SOX6: variants seen among roughly 807,000 people sequenced by gnomAD.
The protein encoded by SOX6 is transcription factor SOX-6.
Under a neutral mutation model 97.8 loss-of-function variants are expected in SOX6, and 11 were observed. That is an observed-to-expected ratio of 0.11 (90% CI 0.07 to 0.19). The LOEUF (loss-of-function observed/expected upper bound fraction) is 0.19, where lower values mean the gene tolerates loss of function less well. Ranked by LOEUF, SOX6 falls within the 10% of genes least tolerant of loss-of-function variation. The pLI is 1.00. For missense variants in SOX6, 810 were observed against 1,039.5 expected, an observed-to-expected ratio of 0.78 and a Z score of 3.04; for synonymous variants, 360 against 371.4, an observed-to-expected ratio of 0.97 and a Z score of 0.35.
chr11:16,303,854 T>TA (rs1210130317), intron 3 of SOX6, among the ~76,000 whole-genome samples: 2 of 152,146 alleles, frequency 1.3e-5, no homozygotes, highest in African/African-American at 2.4e-5. Flanking sequence ...AGTGCATACC[T>TA]AAGCATATCA....
At chr11:16,095,646 T>G (rs1848777192) in intron 9 of SOX6, among the ~76,000 whole-genome samples, 2 of 151,868 alleles carry the variant, frequency 1.3e-5, no homozygotes, top group South Asian at 4.1e-4. Context: ...TCAAATAATT[T>G]TTTAATGTTT....
chr11:16,286,970 A>G (rs1441432794), intron 3 of SOX6, among the ~76,000 whole-genome samples: 3 of 152,032 alleles, frequency 2.0e-5, no homozygotes, highest in Admixed American at 1.3e-4. Context: ...TTTTTCCACC[A>G]TAAGGTTTTT....
At chr11:16,153,976 G>A (rs888541211) in intron 6 of SOX6, among the ~76,000 whole-genome samples, 1 of 152,098 alleles carries the variant, frequency 6.6e-6, no homozygotes, top group Non-Finnish European at 1.5e-5. Context: ...CAAAACCCAT[G>A]GCTTTGGGTA....
chr11:16,090,491 A>C (rs1443192191), intron 9 of SOX6, among the ~76,000 whole-genome samples: 1 of 152,066 alleles, frequency 6.6e-6, no homozygotes, highest in Non-Finnish European at 1.5e-5. Flanking sequence ...TATATTTGGC[A>C]TCCTTCCCTA....
At chr11:16,388,758 T>C (rs573437744) in intron 1 of SOX6, among the ~76,000 whole-genome samples, 2 of 152,304 alleles carry the variant, frequency 1.3e-5, no homozygotes, top group African/African-American at 4.8e-5. Context: ...GTTTCTTTTT[T>C]TCTTGGTCTT....
chr11:16,681,512 G>C (rs1449625970), intron 3 of SOX6, among the ~76,000 whole-genome samples: 4 of 152,152 alleles, frequency 2.6e-5, no homozygotes, highest in Non-Finnish European at 4.4e-5. Flanking sequence ...AAGCAGGAAA[G>C]ATCTAAAATT....
chr11:16,017,021 A>C (rs1408953050), intron 12 of SOX6, among the ~76,000 whole-genome samples: 1 of 152,094 alleles, frequency 6.6e-6, no homozygotes, highest in Non-Finnish European at 1.5e-5. Context: ...ATAAAATAAA[A>C]TAAAGTTCCT....
chr11:16,183,993 CT>C, intron 5 of SOX6, 39 bp from the exon 6 acceptor site: 2 of 1,550,240 alleles, frequency 1.3e-6, no homozygotes, highest in Non-Finnish European at 1.8e-6. Context: ...AAATGAAATG[CT>C]TACACCTCTG....
intron 4 of SOX6, among the ~76,000 whole-genome samples, chr11:16,498,239 T>C (rs1383141755): frequency 6.6e-6 from 1 of 150,542 alleles, no homozygotes; most frequent in Non-Finnish European, 1.5e-5. Flanking sequence ...TGAAGGAGAA[T>C]TTACAGAGAA....
chr11:16,514,859 C>T lies in SOX6; in HGVS notation n.610-38471G>A, dbSNP rs545153976. The stretch of plus-strand genomic sequence containing the variant: ...ATGATTTCCAATTTCATCCATGTCC[C>T]TACAAAGGACATGAACTCATCATTT... On this transcript the variant is annotated intron_variant and non_coding_transcript_variant, in intron 4 of 5. Transcript: ENST00000524520. 3.6e-4 allele frequency among the ~76,000 whole-genome samples: 54 copies of T among 151,870 alleles called. No homozygotes were observed. In the South Asian group the frequency reaches 0.011, roughly 30 times the overall value.
chr11:16,315,359 G>A (rs973671107), intron 3 of SOX6: 5 of 152,018 alleles, frequency 3.3e-5, no homozygotes, highest in Admixed American at 3.3e-4. Context: ...AAGAATCCTT[G>A]AGTTTTAATA....
intron 6 of SOX6, among the ~76,000 whole-genome samples, chr11:16,168,627 G>A (rs1850949615): frequency 6.6e-6 from 1 of 152,166 alleles, no homozygotes; most frequent in African/African-American, 2.4e-5. Flanking sequence ...GGGAGGAAAT[G>A]GCTTTTACTT....
At chr11:16,103,963 A>G (rs547222446) in intron 7 of SOX6, among the ~76,000 whole-genome samples, 1 of 152,004 alleles carries the variant, frequency 6.6e-6, no homozygotes. Flanking sequence ...CTCAGAAATC[A>G]CCACTATTGA....
intron 1 of SOX6, among the ~76,000 whole-genome samples, chr11:16,438,612 T>C (rs969092682): frequency 2.0e-4 from 30 of 152,048 alleles, no homozygotes; most frequent in African/African-American, 7.2e-4. Flanking sequence ...ATAAATAGTG[T>C]ATCAGGCTCT....
chr11:16,447,930 G>A (rs913171412), intron 1 of SOX6, among the ~76,000 whole-genome samples: 1 of 152,128 alleles, frequency 6.6e-6, no homozygotes, highest in Non-Finnish European at 1.5e-5. Flanking sequence ...CCAAAGACAG[G>A]GCAGAAACAG....
intron 6 of SOX6, among the ~76,000 whole-genome samples, chr11:16,124,210 C>A (rs1305799418): frequency 6.6e-6 from 1 of 152,008 alleles, no homozygotes; most frequent in Non-Finnish European, 1.5e-5. Context: ...ACAAATGTTT[C>A]TTTTAAGACC....
chr11:15,976,249 G>T (rs1007996478), intron 15 of SOX6, among the ~76,000 whole-genome samples: 6 of 152,150 alleles, frequency 3.9e-5, no homozygotes, highest in African/African-American at 1.4e-4. Context: ...AGGTTATGTG[G>T]TATGGTGAGC....
rs1410575618 is a variant in SOX6 at position 16,356,433 on chromosome 11, C to T, written c.-344G>A. Among the ~76,000 whole-genome samples the T allele has an allele frequency of 2.0e-5, 3 of 152,118 alleles. No individual in the cohort carries two copies. Among genetic ancestry groups the T allele is most frequent in the African/African-American group, 4.8e-5 (2 of 41,442 alleles). On this transcript the variant is annotated 5_prime_UTR_variant, in exon 1 of 16. In the 5' UTR this introduces an upstream ATG that the reference lacks. Transcript: ENST00000683767. ...ACAGTACCCCACATACCTTCTGCCACTGCTGCTACAGTTAAGCAAACTTTA... is the reference window on the plus strand; with the variant it reads ...ACAGTACCCCACATACCTTCTGCCATTGCTGCTACAGTTAAGCAAACTTTA...
rs549420103 is a variant in SOX6, at chr11:16,255,130, C to T, written c.446-20459G>A. Among the ~76,000 whole-genome samples the T allele has an allele frequency of 1.2e-3, 183 of 151,976 alleles. 1 individual carries two copies. The highest frequency in any genetic ancestry group is 2.1e-3 in the Non-Finnish European group (143 of 67,876). ...ATCAAAATATATGAGGCAAAAACTG[C>T]CAGGAGAAATAGATGAATTCACTAT... On this transcript the variant is annotated intron_variant, in intron 3 of 15. Transcript: ENST00000683767.
Sources: allele counts gnomAD v4.1 joint callset (sites outside exome capture counted in the v4.1 genomes callset), GRCh38; gene constraint gnomAD v4.1.1; transcripts MANE v1.5; gene names NCBI Gene and HGNC (gene_info 2026-07-23, HGNC 2026-07-21).